The following CMTM4 variants were observed in gnomAD, a reference collection of about 807,000 sequenced individuals.
CMTM4 encodes CKLF-like MARVEL transmembrane domain-containing protein 4.
CMTM4 carries 8 observed loss-of-function variants against 19.0 expected under a neutral mutation model. The ratio of observed to expected loss-of-function variants is 0.42; its 90% CI spans 0.25 to 0.76. CMTM4 has a LOEUF of 0.76. CMTM4 is among the 30% of genes least tolerant of loss of function. CMTM4 has a pLI of 0.27. For missense variants in CMTM4, 228 were observed against 290.2 expected, an observed-to-expected ratio of 0.79 and a Z score of 1.56; for synonymous variants, 106 against 121.1, an observed-to-expected ratio of 0.88 and a Z score of 0.82.
At chr16:66,650,901 T>C (rs923253807) in intron 1 of CMTM4, among the ~76,000 whole-genome samples, 11 of 152,272 alleles carry the variant, frequency 7.2e-5, no homozygotes, top group African/African-American at 2.6e-4. Flanking sequence ...CGAAGCTGAG[T>C]GGTGACCACA....
At chr16:66,636,627 A>G (rs766174378) in intron 1 of CMTM4, 46 bp from the exon 2 acceptor site, 1 of 1,454,582 alleles carries the variant, frequency 6.9e-7, no homozygotes, top group South Asian at 1.2e-5. Flanking sequence ...TGTTTAGTAT[A>G]CATCTGCGGA....
chr16:66,625,588 A>G (rs1210814754), intron 2 of CMTM4, among the ~76,000 whole-genome samples: 2 of 152,326 alleles, frequency 1.3e-5, no homozygotes, highest in South Asian at 2.1e-4. Context: ...CAGGGAAAAA[A>G]TATGTCAAAA....
At chr16:66,600,101 C>T in the CMTM4 span, among the ~76,000 whole-genome samples, 1 of 150,514 alleles carries the variant, frequency 6.6e-6, no homozygotes, top group Non-Finnish European at 1.5e-5. Context: ...TTGCAGTTCA[C>T]AGCCATCCTT....
At chr16:66,649,110 G>A (rs899309643) in intron 1 of CMTM4, among the ~76,000 whole-genome samples, 1 of 152,228 alleles carries the variant, frequency 6.6e-6, no homozygotes. Context: ...GGCCTAGGCA[G>A]GAGGATCGCC....
At chr16:66,667,418 G>A (rs934194442) in intron 1 of CMTM4, among the ~76,000 whole-genome samples, 3 of 152,136 alleles carry the variant, frequency 2.0e-5, no homozygotes, top group Non-Finnish European at 4.4e-5. Context: ...CTAGGGACCT[G>A]CTATGTACTA....
chr16:66,634,766 C>A (rs998919345), intron 2 of CMTM4, among the ~76,000 whole-genome samples: 4 of 151,842 alleles, frequency 2.6e-5, no homozygotes, highest in African/African-American at 9.7e-5. Context: ...TAAAAAAAAA[C>A]CCTGCAAAAA....
chr16:66,676,836 A>C (rs1013214805), intron 1 of CMTM4, among the ~76,000 whole-genome samples: 1 of 152,230 alleles, frequency 6.6e-6, no homozygotes, highest in Non-Finnish European at 1.5e-5. Context: ...TAAACTTACT[A>C]CAGTAGAACA....
chr16:66,692,778 G>A (rs1382609257), intron 1 of CMTM4, among the ~76,000 whole-genome samples: 1 of 152,016 alleles, frequency 6.6e-6, no homozygotes, highest in Non-Finnish European at 1.5e-5. Context: ...GTGCTAGTGG[G>A]CGCCTGTAAT....
At chr16:66,606,620 G>C in the CMTM4 span, among the ~76,000 whole-genome samples, 1 of 152,168 alleles carries the variant, frequency 6.6e-6, no homozygotes. Context: ...CTCAGCCATA[G>C]ACATGTTCAA....
At chr16:66,608,967 A>C in the CMTM4 span, among the ~76,000 whole-genome samples, 2 of 152,118 alleles carry the variant, frequency 1.3e-5, no homozygotes, top group African/African-American at 4.8e-5. This position sits in a 1 kb window ranked among gnomAD's most constrained non-coding sequence, Gnocchi z 5.1. Flanking sequence ...TTGACTTCAT[A>C]TCCAGCATCT....
At chr16:66,683,176 C>CATATATATATATATATAT (rs71378404) in intron 1 of CMTM4, among the ~76,000 whole-genome samples, 3 of 106,046 alleles carry the variant, frequency 2.8e-5, no homozygotes, top group African/African-American at 7.6e-5. Context: ...TATATATATA[C>CATATATATATATATATAT]ATATGTATAT....
downstream of CMTM4, chr16:66,609,873 C>T (rs1397224829): frequency 6.2e-7 from 1 of 1,614,226 alleles, no homozygotes; most frequent in East Asian, 2.2e-5. This position sits in a 1 kb window ranked among gnomAD's most constrained non-coding sequence, Gnocchi z 4.4. Flanking sequence ...CCCATCCACC[C>T]TGTCCACAGG....
intron 1 of CMTM4, among the ~76,000 whole-genome samples, chr16:66,639,588 G>A (rs1352065228): frequency 6.6e-6 from 1 of 151,968 alleles, no homozygotes; most frequent in East Asian, 1.9e-4. Context: ...TTTAGACACA[G>A]AGACCAGGAA....
rs369529288 is a variant in CMTM4, at chr16:66,619,587, T to C, written c.*2471A>G. On this transcript the variant is annotated 3_prime_UTR_variant, in exon 4 of 4. Coordinates refer to ENST00000394106, the MANE Select transcript of CMTM4 (RefSeq NM_181521.3). ...AGATATCGATTGTCTTCTGTTTGCA[T>C]ATAGAGGCAATATAAGAAAAATATA... The C allele has an allele frequency of 3.0e-6, 3 of 985,236 alleles. No homozygotes were observed. The highest frequency in any genetic ancestry group is 2.4e-6 in the Non-Finnish European group (2 of 829,932). 61.0% of individuals were successfully genotyped at this position (985,236 alleles called of 1,614,324 possible).
chr16:66,632,990 C>T (rs553368682), intron 2 of CMTM4, among the ~76,000 whole-genome samples: 1 of 151,362 alleles, frequency 6.6e-6, no homozygotes, highest in Admixed American at 6.6e-5. Context: ...GAGGCTGAGG[C>T]AGGAGAATCG....
At chr16:66,663,078 C>T (rs1378376185) in intron 1 of CMTM4, among the ~76,000 whole-genome samples, 1 of 152,124 alleles carries the variant, frequency 6.6e-6, no homozygotes, top group Non-Finnish European at 1.5e-5. Context: ...ACCTTCAACC[C>T]ACAGAAGACT....
At chr16:66,601,021 A>G in the CMTM4 span, among the ~76,000 whole-genome samples, 1 of 152,110 alleles carries the variant, frequency 6.6e-6, no homozygotes, top group African/African-American at 2.4e-5. Flanking sequence ...AGGGAAGCAC[A>G]GCAAAGAGTT....
chr16:66,626,605 CA>C (rs1208351534), intron 2 of CMTM4, among the ~76,000 whole-genome samples: 2 of 145,526 alleles, frequency 1.4e-5, no homozygotes, highest in South Asian at 2.2e-4. Context: ...GACTCCCTCT[CA>C]AAAAAAAAAC....
At chr16:66,628,079 C>T (rs1482427549) in intron 2 of CMTM4, among the ~76,000 whole-genome samples, 1 of 152,200 alleles carries the variant, frequency 6.6e-6, no homozygotes, top group Non-Finnish European at 1.5e-5. Context: ...TTTCTCTCTG[C>T]CCAAACATCT....
Sources: allele counts gnomAD v4.1 joint callset (sites outside exome capture counted in the v4.1 genomes callset), GRCh38; gene constraint gnomAD v4.1.1; non-coding constraint Gnocchi (gnomAD v3.1); transcripts MANE v1.5; gene names NCBI Gene and HGNC (gene_info 2026-07-23, HGNC 2026-07-21).